The following TENM2 variants were observed in gnomAD, a reference collection of about 807,000 sequenced individuals.
TENM2 encodes the protein teneurin transmembrane protein 2.
Under a neutral mutation model 245.2 loss-of-function variants are expected in TENM2, and 52 were observed. The observed-to-expected ratio is 0.21, with a 90% CI of 0.17 to 0.27. The LOEUF is 0.27. TENM2 is among the 10% of genes least tolerant of loss of function. The pLI is 1.00. For missense variants in TENM2, 3,046 were observed against 3,666.8 expected (o/e 0.83, Z 4.37); for synonymous variants, 1,363 against 1,438.9 (o/e 0.95, Z 1.19).
intron 1 of TENM2, among the ~76,000 whole-genome samples, chr5:167,325,084 C>T (rs10043375): frequency 0.62 from 93,556 of 151,986 alleles, 29,118 homozygotes; most frequent in African/African-American, 0.69. Flanking sequence ...ATCTCTTAAA[C>T]TGAGAATGAA....
intron 2 of TENM2, among the ~76,000 whole-genome samples, chr5:167,776,103 G>A (rs1231984494): frequency 7.1e-6 from 1 of 141,470 alleles, no homozygotes; most frequent in African/African-American, 2.7e-5. Flanking sequence ...TTAAGTGAAA[G>A]AAGCTTACAA....
chr5:167,736,751 G>A (rs532104818), intron 2 of TENM2, among the ~76,000 whole-genome samples: 5 of 150,996 alleles, frequency 3.3e-5, no homozygotes, highest in Non-Finnish European at 5.9e-5. Context: ...AGGAATCCCC[G>A]AAATGCATAC....
upstream of TENM2, among the ~76,000 whole-genome samples, chr5:167,280,102 T>C (rs1176782780): frequency 6.6e-6 from 1 of 152,164 alleles, no homozygotes; most frequent in East Asian, 1.9e-4. Context: ...AATTCCCTGC[T>C]CAGCTTCTGT....
chr5:167,940,574 C>A (rs756752897), intron 3 of TENM2, among the ~76,000 whole-genome samples: 24 of 152,256 alleles, frequency 1.6e-4, no homozygotes, highest in Middle Eastern at 3.4e-3. Context: ...TATCTCCAGG[C>A]CAAGGGTACA....
chr5:168,060,035 T>A (rs1789895724), intron 6 of TENM2, among the ~76,000 whole-genome samples: 1 of 152,094 alleles, frequency 6.6e-6, no homozygotes, highest in Admixed American at 6.6e-5. Flanking sequence ...TTAAACATGA[T>A]GCCGTATTCC....
intron 2 of TENM2, among the ~76,000 whole-genome samples, chr5:167,437,924 C>T (rs929180731): frequency 3.3e-5 from 5 of 152,148 alleles, no homozygotes; most frequent in African/African-American, 4.8e-5. Context: ...TCTTGGATAT[C>T]GTTATTAGCA....
chr5:167,540,777 T>C (rs1772154568), intron 2 of TENM2, among the ~76,000 whole-genome samples: 1 of 152,216 alleles, frequency 6.6e-6, no homozygotes, highest in Admixed American at 6.5e-5. Context: ...CTTCTATTTA[T>C]AGTGTAGCAA....
chr5:167,992,085 A>G (rs143289543), intron 4 of TENM2, among the ~76,000 whole-genome samples: 10 of 152,156 alleles, frequency 6.6e-5, no homozygotes, highest in African/African-American at 2.4e-4. Flanking sequence ...ATGCAAAGGC[A>G]TAAGAATAAT....
At chr5:167,606,512 A>T (rs1286976370) in intron 2 of TENM2, among the ~76,000 whole-genome samples, 2 of 152,078 alleles carry the variant, frequency 1.3e-5, no homozygotes, top group Non-Finnish European at 2.9e-5. Context: ...AAACCTGATC[A>T]CCTCAGAAAA....
chr5:168,156,263 A>AAAAAAAC (rs1396680320), intron 12 of TENM2, among the ~76,000 whole-genome samples: 1 of 150,968 alleles, frequency 6.6e-6, no homozygotes, highest in Non-Finnish European at 1.5e-5. Flanking sequence ...AAAAAAAAAA[A>AAAAAAAC]AAACACTTTT....
the TENM2 span, among the ~76,000 whole-genome samples, chr5:166,999,211 T>C: frequency 6.6e-6 from 1 of 152,042 alleles, no homozygotes; most frequent in African/African-American, 2.4e-5. Context: ...GTGGTAGAAG[T>C]AGTGAGATGC....
chr5:168,012,003 A>G (rs920245780), intron 5 of TENM2, among the ~76,000 whole-genome samples: 1 of 152,194 alleles, frequency 6.6e-6, no homozygotes, highest in African/African-American at 2.4e-5. Flanking sequence ...AGGATTTGGA[A>G]TTGAAAATAT....
chr5:167,415,773 G>A (rs746820795), intron 2 of TENM2, among the ~76,000 whole-genome samples: 17 of 152,080 alleles, frequency 1.1e-4, no homozygotes, highest in Non-Finnish European at 2.4e-4. Context: ...CCTAACTTCT[G>A]GAGGTTATGT....
At chr5:168,200,418 G>A (rs1261128727) in intron 17 of TENM2, among the ~76,000 whole-genome samples, 2 of 152,172 alleles carry the variant, frequency 1.3e-5, no homozygotes, top group African/African-American at 4.8e-5. Flanking sequence ...TGAGCATTTA[G>A]GGAAGGCTCC....
At chr5:167,374,267 T>C (rs186562426) in intron 1 of TENM2, among the ~76,000 whole-genome samples, 1 of 152,352 alleles carries the variant, frequency 6.6e-6, no homozygotes, top group East Asian at 1.9e-4. Context: ...GCCTACAGTA[T>C]TCAGTACATA....
intron 2 of TENM2, among the ~76,000 whole-genome samples, chr5:167,683,030 A>G (rs1396583924): frequency 1.3e-5 from 2 of 152,192 alleles, no homozygotes. Context: ...ATTTAAAAAT[A>G]TATATCTCAA....
intron 2 of TENM2, among the ~76,000 whole-genome samples, chr5:167,401,356 G>A (rs968605297): frequency 6.6e-6 from 1 of 152,112 alleles, no homozygotes; most frequent in Non-Finnish European, 1.5e-5. Flanking sequence ...GGGCAAGGAT[G>A]CTTATGGACA....
At chr5:167,252,936 G>C in the TENM2 span, among the ~76,000 whole-genome samples, 1 of 152,122 alleles carries the variant, frequency 6.6e-6, no homozygotes, top group Non-Finnish European at 1.5e-5. Flanking sequence ...TCTCTGGGAA[G>C]AAGTTAAATG....
chr5:167,040,265 A>T, the TENM2 span, among the ~76,000 whole-genome samples: 7 of 152,010 alleles, frequency 4.6e-5, no homozygotes, highest in African/African-American at 1.4e-4. Flanking sequence ...TAGTGCTCAG[A>T]CCTACAAGGC....
Sources: gnomAD v4.1 joint callset for allele counts (sites outside exome capture counted in the v4.1 genomes callset) on GRCh38, gnomAD v4.1.1 for gene constraint, MANE v1.5 for transcripts, NCBI Gene and HGNC (gene_info 2026-07-23, HGNC 2026-07-21) for gene names.